The following LHFPL3 variants were observed in gnomAD, a reference collection of about 807,000 sequenced individuals.
The protein encoded by LHFPL3 is LHFPL tetraspan subfamily member 3, also known as LHFPL tetraspan subfamily member 3 protein.
Under a neutral mutation model 19.3 loss-of-function variants are expected in LHFPL3, and 5 were observed. The ratio of observed to expected loss-of-function variants is 0.26; its 90% CI spans 0.14 to 0.54. The LOEUF (loss-of-function observed/expected upper bound fraction) is 0.54, where lower values mean the gene tolerates loss of function less well. Ranked by LOEUF, LHFPL3 falls within the 20% of genes least tolerant of loss-of-function variation. LHFPL3 has a pLI of 0.94. For synonymous variants in LHFPL3, 133 were observed against 126.2 expected (o/e 1.05, Z -0.36); for missense variants, 249 against 307.4 (o/e 0.81, Z 1.42).
At chr7:104,481,546 G>A (rs2115658431) in intron 1 of LHFPL3, among the ~76,000 whole-genome samples, 1 of 151,970 alleles carries the variant, frequency 6.6e-6, no homozygotes, top group South Asian at 2.1e-4. Flanking sequence ...CCCTGCATGG[G>A]TGGTCTCCCT....
At chr7:104,509,022 C>A (rs1793759718) in intron 1 of LHFPL3, among the ~76,000 whole-genome samples, 1 of 151,904 alleles carries the variant, frequency 6.6e-6, no homozygotes, top group Admixed American at 6.6e-5. Flanking sequence ...AATTTCTGAA[C>A]AAACACAAAT....
chr7:104,800,674 A>G (rs1790227210), intron 2 of LHFPL3, among the ~76,000 whole-genome samples: 1 of 152,066 alleles, frequency 6.6e-6, no homozygotes, highest in South Asian at 2.1e-4. Flanking sequence ...TCCTACCATC[A>G]TCTACCCACC....
chr7:104,552,680 ACCTGTAATTAATC>A (rs1794683873), intron 1 of LHFPL3, among the ~76,000 whole-genome samples: 1 of 152,224 alleles, frequency 6.6e-6, no homozygotes, highest in Admixed American at 6.5e-5. Flanking sequence ...TGCATGAATT[ACCTGTAATTAATC>A]CCTGTCATGA....
intron 1 of LHFPL3, among the ~76,000 whole-genome samples, chr7:104,735,500 A>T (rs1231193390): frequency 6.6e-6 from 1 of 152,220 alleles, no homozygotes; most frequent in Non-Finnish European, 1.5e-5. Context: ...CTCCGTGGGC[A>T]TAGGACCCTC....
intron 1 of LHFPL3, among the ~76,000 whole-genome samples, chr7:104,589,024 G>A (rs1048968059): frequency 3.9e-4 from 60 of 152,240 alleles, no homozygotes; most frequent in African/African-American, 1.4e-3. Context: ...GAGATGATGG[G>A]GTTTTCTAAG....
intron 1 of LHFPL3, among the ~76,000 whole-genome samples, chr7:104,517,230 A>C (rs1284962132): frequency 6.6e-6 from 1 of 152,072 alleles, no homozygotes; most frequent in Non-Finnish European, 1.5e-5. Context: ...TAATCTGTAC[A>C]ACAAACCCCC....
At chr7:104,715,584 G>A (rs1793370678) in intron 1 of LHFPL3, among the ~76,000 whole-genome samples, 1 of 152,080 alleles carries the variant, frequency 6.6e-6, no homozygotes, top group Non-Finnish European at 1.5e-5. Context: ...TTAATTTGTT[G>A]AGAGTTTTTA....
At chr7:104,509,368 T>C (rs1793765601) in intron 1 of LHFPL3, among the ~76,000 whole-genome samples, 1 of 152,030 alleles carries the variant, frequency 6.6e-6, no homozygotes, top group South Asian at 2.1e-4. Context: ...AATTGAACGA[T>C]ATGTATAAAG....
At chr7:104,334,520 C>A (rs1395283573) in intron 1 of LHFPL3, among the ~76,000 whole-genome samples, 1 of 152,234 alleles carries the variant, frequency 6.6e-6, no homozygotes, top group Admixed American at 6.5e-5. Context: ...GCACTCCAGA[C>A]TGGGCAGCAG....
At chr7:104,653,562 C>A (rs918004068) in intron 1 of LHFPL3, among the ~76,000 whole-genome samples, 1 of 152,080 alleles carries the variant, frequency 6.6e-6, no homozygotes, top group African/African-American at 2.4e-5. Context: ...TTCTTTTAAC[C>A]CCATAAAAAT....
chr7:104,501,027 C>T (rs1793590342), intron 1 of LHFPL3, among the ~76,000 whole-genome samples: 1 of 152,102 alleles, frequency 6.6e-6, no homozygotes, highest in Non-Finnish European at 1.5e-5. Flanking sequence ...TTTTATATTG[C>T]AACTTGGTAT....
intron 1 of LHFPL3, among the ~76,000 whole-genome samples, chr7:104,497,557 G>A (rs1793508860): frequency 6.6e-6 from 1 of 151,802 alleles, no homozygotes; most frequent in Non-Finnish European, 1.5e-5. Context: ...TGCATTTTGG[G>A]GGTGAAATCT....
intron 2 of LHFPL3, among the ~76,000 whole-genome samples, chr7:104,809,983 G>A (rs745354647): frequency 3.3e-5 from 5 of 152,188 alleles, no homozygotes; most frequent in African/African-American, 4.8e-5. Context: ...GCTGTACCAG[G>A]CAGGAACACT....
At chr7:104,528,399 A>C (rs556893394) in intron 1 of LHFPL3, among the ~76,000 whole-genome samples, 6 of 152,358 alleles carry the variant, frequency 3.9e-5, no homozygotes, top group Non-Finnish European at 8.8e-5. Context: ...AAGTATTTAC[A>C]GACTTCAATA....
At chr7:104,857,363 T>C (rs866520670) in intron 2 of LHFPL3, among the ~76,000 whole-genome samples, 1 of 152,154 alleles carries the variant, frequency 6.6e-6, no homozygotes, top group Non-Finnish European at 1.5e-5. Flanking sequence ...TCTACTCCAA[T>C]AGTGATTCAT....
intron 2 of LHFPL3, among the ~76,000 whole-genome samples, chr7:104,808,127 C>G (rs1007567943): frequency 2.0e-5 from 3 of 152,228 alleles, no homozygotes; most frequent in African/African-American, 7.2e-5. Flanking sequence ...ATCAGCCACA[C>G]TCTTCCTCTG....
rs73407662 is a variant in LHFPL3, at chr7:104,523,130, C to G, written c.445+193906C>G. ...TATGTGTATTTTCTAGTTGTTTACT[C>G]AAAACTTCATATAAAGTATGCTTCT... is the stretch of plus-strand genomic sequence containing the variant. On this transcript the variant is annotated intron_variant, in intron 1 of 2. Transcript: ENST00000424859. Among the ~76,000 whole-genome samples, 101 of 152,012 alleles carry G rather than the reference C, an allele frequency of 6.6e-4. 1 individual carries two copies. Among genetic ancestry groups the G allele is most frequent in the African/African-American group, 2.3e-3 (97 of 41,458 alleles).
At chr7:104,332,153 T>C (rs1025910361) in intron 1 of LHFPL3, among the ~76,000 whole-genome samples, 2 of 151,918 alleles carry the variant, frequency 1.3e-5, no homozygotes, top group African/African-American at 4.8e-5. Flanking sequence ...GTGTATTTAG[T>C]TATCTAAGCC....
At chr7:104,646,154 A>G (rs962548408) in intron 1 of LHFPL3, among the ~76,000 whole-genome samples, 5 of 152,218 alleles carry the variant, frequency 3.3e-5, no homozygotes, top group Non-Finnish European at 7.3e-5. Flanking sequence ...CCCAGATTAC[A>G]TAAAAAAGAG....
Sources: gnomAD v4.1 joint callset for allele counts (sites outside exome capture counted in the v4.1 genomes callset) on GRCh38, gnomAD v4.1.1 for gene constraint, MANE v1.5 for transcripts, NCBI Gene and HGNC (gene_info 2026-07-23, HGNC 2026-07-21) for gene names.